Variants in SPACA1 observed in about 807,000 individuals in gnomAD.
The protein encoded by SPACA1 is sperm acrosome membrane-associated protein 1.
SPACA1 carries 17 observed loss-of-function variants against 32.6 expected under a neutral mutation model. That is an observed-to-expected ratio of 0.52 (90% confidence interval 0.36 to 0.78). The LOEUF (loss-of-function observed/expected upper bound fraction) is 0.78. Among genes scored for constraint, SPACA1 ranks in the 30% least tolerant of loss-of-function variants. The probability of loss-of-function intolerance (pLI) is 0.01; values close to 1 mark genes in which losing one functional copy is unlikely to be tolerated. For synonymous variants in SPACA1, 140 were observed against 138.1 expected, an observed-to-expected ratio of 1.01 and a Z score of -0.10; for missense variants, 363 against 373.4, an observed-to-expected ratio of 0.97 and a Z score of 0.23.
intron 6 of SPACA1, among the ~76,000 whole-genome samples, chr6:88,065,532 A>C (rs1775970469): frequency 6.7e-6 from 1 of 149,478 alleles, no homozygotes; most frequent in Non-Finnish European, 1.5e-5. Context: ...CTTTTTATTC[A>C]TTATTCATTT....
upstream of SPACA1, chr6:88,047,744 C>A: frequency 1.4e-6 from 1 of 721,084 alleles, no homozygotes; most frequent in Non-Finnish European, 2.2e-6. Context: ...TCCAGGCGCT[C>A]AGCACCGGAG....
intron 1 of SPACA1, among the ~76,000 whole-genome samples, chr6:88,052,706 G>A (rs537969710): frequency 5.1e-4 from 78 of 152,120 alleles, no homozygotes; most frequent in South Asian, 4.8e-3. Context: ...GCATGGTGGC[G>A]TCTGCCTGTA....
At position 88,047,854 on chromosome 6, in the gene SPACA1, T is replaced by C. The variant is rs1425878068; in HGVS notation, c.-52T>C. Reference sequence around the variant, plus strand: ...GCAGCTCTCTTCGACGTACCTGTCCTCAGGAGCCGCGGCGGCGACTGCGCC... The same window carrying C: ...GCAGCTCTCTTCGACGTACCTGTCCCCAGGAGCCGCGGCGGCGACTGCGCC... On this transcript the variant is annotated 5_prime_UTR_variant, in exon 1 of 7. Transcript: ENST00000237201. 1.4e-6 allele frequency: 2 copies of C among 1,473,214 alleles called. No individual in the cohort carries two copies. Among genetic ancestry groups the C allele is most frequent in the African/African-American group, 2.8e-5 (2 of 71,078 alleles). 91.3% of individuals were successfully genotyped at this position (1,473,214 alleles called of 1,614,324 possible). A position where few individuals can be genotyped will look rare whatever the true frequency, so the allele number is the denominator to read the frequency against.
intron 5 of SPACA1, among the ~76,000 whole-genome samples, chr6:88,062,173 A>G (rs1775907208): frequency 6.6e-6 from 1 of 152,228 alleles, no homozygotes; most frequent in African/African-American, 2.4e-5. Flanking sequence ...ATTTAGCGAG[A>G]TCCCTAACTT....
intron 2 of SPACA1, among the ~76,000 whole-genome samples, chr6:88,056,406 C>G (rs535774219): frequency 5.9e-5 from 9 of 152,158 alleles, no homozygotes; most frequent in Non-Finnish European, 5.9e-5. Context: ...CATTCTCAGC[C>G]ATCATCTCTC....
At chr6:88,053,885 G>C (rs1775766413) in intron 1 of SPACA1, 61 bp from the exon 2 acceptor site, 1 of 1,371,044 alleles carries the variant, frequency 7.3e-7, no homozygotes, top group South Asian at 1.2e-5. Context: ...CAAGTAAGAG[G>C]TGTTTCACTT....
intron 1 of SPACA1, among the ~76,000 whole-genome samples, chr6:88,052,027 T>C (rs1465251573): frequency 6.6e-6 from 1 of 152,196 alleles, no homozygotes; most frequent in East Asian, 1.9e-4. Context: ...ACCATATATT[T>C]TTTTTACCAC....
chr6:88,060,014 AG>A (rs1263289701), intron 5 of SPACA1, among the ~76,000 whole-genome samples: 1 of 152,212 alleles, frequency 6.6e-6, no homozygotes, highest in African/African-American at 2.4e-5. Context: ...CATTCAGTAA[AG>A]TAAATAAAAT....
chr6:88,053,921 A>G (rs375256714), intron 1 of SPACA1, 25 bp from the exon 2 acceptor site: 3 of 1,601,616 alleles, frequency 1.9e-6, no homozygotes, highest in Non-Finnish European at 2.6e-6. Context: ...TAATTAAATA[A>G]TGTATCTTTA....
intron 6 of SPACA1, among the ~76,000 whole-genome samples, chr6:88,065,564 A>G (rs1775970782): frequency 6.7e-6 from 1 of 150,360 alleles, no homozygotes; most frequent in Admixed American, 6.6e-5. Context: ...TGCATCAGCT[A>G]GATGCATCAT....
At chr6:88,062,930 G>A (rs185773860) in intron 5 of SPACA1, among the ~76,000 whole-genome samples, 103 of 152,242 alleles carry the variant, frequency 6.8e-4, no homozygotes, top group African/African-American at 2.4e-3. Flanking sequence ...AAGAAATATA[G>A]GAGACTATTT....
In SPACA1 at chr6:88,055,630, C is replaced by T. The variant is rs569940059; in HGVS notation, c.265+1628C>T. ...GGTATTACAGAAAATCCCACACCTA[C>T]ATGCATCTCAGTGAACTGTATTTAG... On this transcript the variant is annotated intron_variant, in intron 2 of 6. Coordinates refer to ENST00000237201, the MANE Select transcript of SPACA1 (RefSeq NM_030960.3). 1.5e-3 allele frequency among the ~76,000 whole-genome samples: 231 copies of T among 152,352 alleles called. 1 individual carries two copies. Among genetic ancestry groups the T allele is most frequent in the Middle Eastern group, 0.01 (3 of 294 alleles).
intron 1 of SPACA1, among the ~76,000 whole-genome samples, chr6:88,050,205 C>T (rs569052120): frequency 7.2e-5 from 11 of 152,102 alleles, no homozygotes; most frequent in African/African-American, 1.9e-4. Context: ...ATCCTTTTAG[C>T]GAAACAGTAT....
intron 3 of SPACA1, among the ~76,000 whole-genome samples, chr6:88,058,215 A>C (rs1456277493): frequency 1.3e-5 from 2 of 152,226 alleles, no homozygotes; most frequent in Non-Finnish European, 2.9e-5. Context: ...TAAGGAGCAG[A>C]GAGCCATGGT....
chr6:88,057,108 C>T (rs1316513412), intron 2 of SPACA1, among the ~76,000 whole-genome samples: 1 of 151,964 alleles, frequency 6.6e-6, no homozygotes, highest in Non-Finnish European at 1.5e-5. Context: ...CCATCAAATC[C>T]ACGAATTTAT....
chr6:88,053,185 C>G (rs1001310063), intron 1 of SPACA1, among the ~76,000 whole-genome samples: 1 of 152,170 alleles, frequency 6.6e-6, no homozygotes, highest in East Asian at 1.9e-4. Flanking sequence ...GACTCCAGTT[C>G]GATGTGTTTT....
At chr6:88,052,857 A>G (rs1775750099) in intron 1 of SPACA1, among the ~76,000 whole-genome samples, 2 of 152,124 alleles carry the variant, frequency 1.3e-5, no homozygotes, top group South Asian at 4.1e-4. Context: ...ACAAAAAACT[A>G]TATTTGGTGC....
At chr6:88,051,828 C>G (rs1282251608) in intron 1 of SPACA1, among the ~76,000 whole-genome samples, 1 of 152,156 alleles carries the variant, frequency 6.6e-6, no homozygotes, top group African/African-American at 2.4e-5. Flanking sequence ...ATTTGCTATC[C>G]TTTCTAGCTT....
At chr6:88,057,102 CAA>C (rs1400721732) in intron 2 of SPACA1, among the ~76,000 whole-genome samples, 1 of 152,134 alleles carries the variant, frequency 6.6e-6, no homozygotes, top group Non-Finnish European at 1.5e-5. Context: ...TATATTCCAT[CAA>C]ATCCACGAAT....
Sources: allele counts gnomAD v4.1 joint callset (sites outside exome capture counted in the v4.1 genomes callset), GRCh38; gene constraint gnomAD v4.1.1; transcripts MANE v1.5; gene names NCBI Gene and HGNC (gene_info 2026-07-23, HGNC 2026-07-21).